WDR7: variants seen among roughly 807,000 people sequenced by gnomAD.
WDR7 encodes the protein WD repeat domain 7.
Under a neutral mutation model 169.4 loss-of-function variants are expected in WDR7, and 46 were observed. That is an observed-to-expected ratio of 0.27 (90% confidence interval 0.21 to 0.35). The LOEUF (loss-of-function observed/expected upper bound fraction) is 0.35. WDR7 is among the 10% of genes least tolerant of loss of function. WDR7 has a pLI of 1.00. For missense variants in WDR7, 1,534 were observed against 1,859.3 expected (o/e 0.83, Z 3.22); for synonymous variants, 612 against 666.8 (o/e 0.92, Z 1.27).
At chr18:56,664,530 CTT>C (rs56780827) in intron 1 of WDR7, among the ~76,000 whole-genome samples, 133,420 of 145,690 alleles carry the variant, frequency 0.92, 61,994 homozygotes, top group East Asian at 1. Flanking sequence ...TTTTTTTCTC[CTT>C]TTTTTTTTTT....
intron 20 of WDR7, among the ~76,000 whole-genome samples, chr18:56,846,484 T>C (rs1007228556): frequency 2.0e-5 from 3 of 152,172 alleles, no homozygotes; most frequent in African/African-American, 7.2e-5. Flanking sequence ...GCTGCCACCA[T>C]GTAAAAAGTC....
rs369763537 is a variant in WDR7, at chr18:56,752,439, C to T, written c.1990-4144C>T. 3.3e-5 allele frequency among the ~76,000 whole-genome samples: 5 copies of T among 152,102 alleles called. No homozygotes were observed. In the East Asian group the frequency reaches 5.8e-4, roughly 18 times the overall value. ...CATTGCGTCCCCTTCTTGTGCCTTG[C>T]CATCTCTCTTTATGGCACCATTCAT... is the stretch of plus-strand genomic sequence containing the variant. On this transcript the variant is annotated intron_variant, in intron 14 of 27. Transcript: ENST00000254442.
At chr18:56,973,103 A>T (rs1383719792) in intron 26 of WDR7, among the ~76,000 whole-genome samples, 2 of 152,176 alleles carry the variant, frequency 1.3e-5, no homozygotes, top group Non-Finnish European at 2.9e-5. Flanking sequence ...CCTGACCTCA[A>T]GTGATCAAGT....
intron 20 of WDR7, among the ~76,000 whole-genome samples, chr18:56,860,124 T>C (rs2045781925): frequency 6.6e-6 from 1 of 152,176 alleles, no homozygotes; most frequent in African/African-American, 2.4e-5. Flanking sequence ...TCAGTACTGA[T>C]TCCCAAGCCC....
At chr18:56,982,611 C>A (rs981775584) in intron 26 of WDR7, among the ~76,000 whole-genome samples, 6 of 152,092 alleles carry the variant, frequency 3.9e-5, no homozygotes, top group African/African-American at 1.4e-4. Context: ...TTTACTACAG[C>A]CTTTGTCTGG....
At chr18:56,873,591 A>G (rs2045982693) in intron 20 of WDR7, 1 of 152,208 alleles carries the variant, frequency 6.6e-6, no homozygotes, top group Non-Finnish European at 1.5e-5. Context: ...CTCCCGCTTC[A>G]AGCAGTGGCC....
chr18:56,681,748 T>A (rs577058434), intron 4 of WDR7, among the ~76,000 whole-genome samples: 1 of 152,376 alleles, frequency 6.6e-6, no homozygotes, highest in East Asian at 1.9e-4. Flanking sequence ...CACTTGTGAT[T>A]GACACAAATT....
chr18:56,913,623 CAA>C (rs3045241), intron 21 of WDR7, among the ~76,000 whole-genome samples: 7 of 134,842 alleles, frequency 5.2e-5, no homozygotes, highest in African/African-American at 2.0e-4. Context: ...CCCATCTCTA[CAA>C]AAAAAAAAAA....
rs148572173 is a variant in WDR7, at chr18:56,832,317, T to C, written c.3304+16173T>C. 1.1e-3 allele frequency among the ~76,000 whole-genome samples: 171 copies of C among 152,320 alleles called. 1 individual carries two copies. The East Asian group carries it at 0.031, about 28-fold the overall frequency. The stretch of plus-strand genomic sequence containing the variant: ...TCCTCTTCTCTGGGCAGGGCATCTC[T>C]GAAAGAAAAGCAGCAGCCCCACTCA... On this transcript the variant is annotated intron_variant, in intron 20 of 27. Transcript: ENST00000254442.
chr18:56,776,490 T>C (rs2044244046), intron 16 of WDR7, among the ~76,000 whole-genome samples: 1 of 152,214 alleles, frequency 6.6e-6, no homozygotes, highest in African/African-American at 2.4e-5. Flanking sequence ...TTTTTCATGA[T>C]GGCTCTAGTT....
intron 19 of WDR7, among the ~76,000 whole-genome samples, chr18:56,783,916 C>A (rs2145083586): frequency 6.6e-6 from 1 of 152,294 alleles, no homozygotes; most frequent in African/African-American, 2.4e-5. Flanking sequence ...CTCCCTGAAG[C>A]AGTGCCAGAA....
chr18:57,012,371 G>A (rs143347943), intron 26 of WDR7, among the ~76,000 whole-genome samples: 31 of 152,272 alleles, frequency 2.0e-4, no homozygotes, highest in Non-Finnish European at 4.0e-4. Flanking sequence ...CACCAGGATA[G>A]GAAGGGAGGT....
At chr18:56,753,076 T>C (rs1360847959) in intron 14 of WDR7, 1 of 152,154 alleles carries the variant, frequency 6.6e-6, no homozygotes, top group Non-Finnish European at 1.5e-5. Flanking sequence ...ATCCTTGGGT[T>C]CAACAGAATG....
At chr18:56,861,125 A>ATAT (rs71169402) in intron 20 of WDR7, among the ~76,000 whole-genome samples, 131,973 of 151,918 alleles carry the variant, frequency 0.87, 57,424 homozygotes, top group East Asian at 0.98. Flanking sequence ...AGTACAGTTT[A>ATAT]TATTCTTTTT....
At chr18:56,910,941 T>TA (rs1175499615) in intron 21 of WDR7, among the ~76,000 whole-genome samples, 3 of 152,208 alleles carry the variant, frequency 2.0e-5, no homozygotes, top group African/African-American at 7.2e-5. Context: ...ATCCTTTTGT[T>TA]AAAAAATATT....
intron 20 of WDR7, among the ~76,000 whole-genome samples, chr18:56,852,682 GCATA>G (rs1426527391): frequency 2.0e-5 from 3 of 152,000 alleles, no homozygotes; most frequent in African/African-American, 7.3e-5. Flanking sequence ...CTAATTTCTA[GCATA>G]TTTAATGTAG....
At chr18:56,945,016 C>T (rs1216434783) in intron 25 of WDR7, among the ~76,000 whole-genome samples, 1 of 152,136 alleles carries the variant, frequency 6.6e-6, no homozygotes, top group Non-Finnish European at 1.5e-5. Flanking sequence ...TTATATCTAG[C>T]TTTTAACCTG....
chr18:56,990,589 T>A (rs1031649877), intron 26 of WDR7, among the ~76,000 whole-genome samples: 1 of 152,188 alleles, frequency 6.6e-6, no homozygotes, highest in African/African-American at 2.4e-5. Context: ...TACACAGAGG[T>A]TCATTATAGG....
chr18:56,681,727 C>G (rs139948720), intron 4 of WDR7, among the ~76,000 whole-genome samples: 5 of 152,200 alleles, frequency 3.3e-5, no homozygotes, highest in Non-Finnish European at 7.3e-5. Context: ...TTGCAAAATC[C>G]TTTGTGATTC....
Sources: gnomAD v4.1 joint callset for allele counts (sites outside exome capture counted in the v4.1 genomes callset) on GRCh38, gnomAD v4.1.1 for gene constraint, MANE v1.5 for transcripts, NCBI Gene and HGNC (gene_info 2026-07-23, HGNC 2026-07-21) for gene names.